The following AIFM2 variants were observed in gnomAD, a reference collection of about 807,000 sequenced individuals.
The protein encoded by AIFM2 is ferroptosis suppressor protein 1.
A neutral mutation model predicts 35.7 loss-of-function variants in AIFM2; 38 were observed. The observed-to-expected ratio is 1.06, with a 90% CI of 0.82 to 1.39. The LOEUF is 1.39. Ranked by LOEUF, AIFM2 falls within the 40% of genes most tolerant of loss-of-function variation. The pLI is 0.00. For synonymous variants in AIFM2, 185 were observed against 203.5 expected (o/e 0.91, Z 0.77); for missense variants, 476 against 491.2 (o/e 0.97, Z 0.29).
rs2072385911 is a variant in AIFM2, at chr10:70,112,499, A to AAGAC, written c.*1675_*1678dup. 1 of 152,212 alleles carries AAGAC rather than the reference A, an allele frequency of 6.6e-6. No individual in the cohort carries two copies. Among genetic ancestry groups the AAGAC allele is most frequent in the South Asian group, 2.1e-4 (1 of 4,832 alleles). 9.4% of individuals were successfully genotyped at this position (152,212 alleles called of 1,614,324 possible). A position where few individuals can be genotyped will look rare whatever the true frequency, so the allele number is the denominator to read the frequency against. Reference sequence around the variant, plus strand: ...GGCTTCCCTTCGTGGTCCATAAAGAAAGACAGATACTTGGATGCAACCACC... The same window carrying AAGAC: ...GGCTTCCCTTCGTGGTCCATAAAGAAAGACAGACAGATACTTGGATGCAACCACC... On this transcript the variant is annotated 3_prime_UTR_variant, in exon 9 of 9. Coordinates refer to ENST00000307864, the MANE Select transcript of AIFM2 (RefSeq NM_032797.6).
At chr10:70,116,998 GA>G (rs2072444745) in intron 6 of AIFM2, among the ~76,000 whole-genome samples, 1 of 152,208 alleles carries the variant, frequency 6.6e-6, no homozygotes, top group Non-Finnish European at 1.5e-5. Flanking sequence ...AAAGTTCCAA[GA>G]AGCCCCTGGA....
chr10:70,114,668 T>C lies in AIFM2; in HGVS notation c.970+252A>G, dbSNP rs2072415042. 12 of 527,328 alleles carry C rather than the reference T, an allele frequency of 2.3e-5. No homozygotes were observed. The East Asian group carries it at 4.3e-4, about 19-fold the overall frequency. 32.7% of individuals were successfully genotyped at this position (527,328 alleles called of 1,614,324 possible). On this transcript the variant is annotated intron_variant, in intron 8 of 8. Coordinates refer to ENST00000307864, the MANE Select transcript of AIFM2 (RefSeq NM_032797.6). ...TTTGTATTTTTAGTAGAGACGGGGT[T>C]TCTCCATGTTGGTCAGGCTGGTCTC...
In AIFM2 at chr10:70,116,785, GT is replaced by G; in HGVS notation, c.617-12del. On this transcript the variant is annotated splice_polypyrimidine_tract_variant and intron_variant, in intron 6 of 8. Transcript: ENST00000307864. ...TGCTCACCCGCTCACCTAGAAGGGG[GT>G]TCATGACCAGGAGGCTGGTGGGGAC... 1 of 1,613,116 alleles carries G rather than the reference GT, an allele frequency of 6.2e-7. No homozygotes were observed. The highest frequency in any genetic ancestry group is 1.1e-5 in the South Asian group (1 of 91,064).
Position 70,121,222 on chromosome 10 carries a change from C to CA in AIFM2, c.295-12_295-11insT. 1 of 177,136 alleles carries CA rather than the reference C, an allele frequency of 5.6e-6. No homozygotes were observed. The highest frequency in any genetic ancestry group is 7.0e-6 in the Non-Finnish European group (1 of 142,744). The allele number at this position is 177,136 out of a possible 1,614,324, so 11.0% of individuals were successfully genotyped here. ...AGAGAAGGGCAGGGCCTGAGAGAAA[C>CA]CAAAAAAAAAAAAAAAAAAAAAAAA... is the stretch of plus-strand genomic sequence containing the variant. On this transcript the variant is annotated splice_polypyrimidine_tract_variant and intron_variant, in intron 3 of 8. Coordinates refer to ENST00000307864, the MANE Select transcript of AIFM2 (RefSeq NM_032797.6).
chr10:70,123,763 C>A, intron 2 of AIFM2, 144 bp downstream of exon 2: 1 of 982,426 alleles, frequency 1.0e-6, no homozygotes. Context: ...GACCAAAGAC[C>A]TTGAGCTTCT....
chr10:70,115,640 G>A (rs953133567), intron 7 of AIFM2, among the ~76,000 whole-genome samples: 1 of 152,106 alleles, frequency 6.6e-6, no homozygotes, highest in Non-Finnish European at 1.5e-5. Flanking sequence ...GTGGCATACA[G>A]CCGTAATCCC....
At chr10:70,119,043 C>T (rs2072468662) in intron 5 of AIFM2, among the ~76,000 whole-genome samples, 1 of 152,112 alleles carries the variant, frequency 6.6e-6, no homozygotes, top group Admixed American at 6.6e-5. Context: ...GATGAAGCCT[C>T]CATAAAAATC....
At chr10:70,120,258 A>T (rs74139273) in intron 5 of AIFM2, among the ~76,000 whole-genome samples, 5 of 152,368 alleles carry the variant, frequency 3.3e-5, no homozygotes, top group African/African-American at 1.2e-4. Context: ...GTTGGAGCAG[A>T]GGGCAGGACC....
chr10:70,123,389 G>C lies in AIFM2; in HGVS notation c.294+16C>G. On this transcript the variant is annotated intron_variant, in intron 3 of 8. Coordinates refer to ENST00000307864, the MANE Select transcript of AIFM2 (RefSeq NM_032797.6). ...GGCCCTTGAGCCAGCTGGCAGCCGG[G>C]CTGGCCCTCACTCACCTCGCCACCC... The C allele has an allele frequency of 6.2e-7, 1 of 1,609,504 alleles. No homozygotes were observed. Among genetic ancestry groups the C allele is most frequent in the Middle Eastern group, 1.7e-4 (1 of 6,036 alleles).
In AIFM2 at chr10:70,117,167, A is replaced by G. The variant is rs1242356729; in HGVS notation, c.617-393T>C. On this transcript the variant is annotated intron_variant, in intron 6 of 8. Transcript: ENST00000307864. The surrounding 1 kb of genome is among the most constrained non-coding windows in gnomAD (Gnocchi z 4.7). ...GGGGAAAGCCAGAGAAAGAGAAGCC[A>G]GCTCGCTACACTCACTGCCTAAAGT... Among the ~76,000 whole-genome samples, 1 of 152,226 alleles carries G rather than the reference A, an allele frequency of 6.6e-6. No individual in the cohort carries two copies. Among genetic ancestry groups the G allele is most frequent in the Admixed American group, 6.5e-5 (1 of 15,284 alleles).
In AIFM2 at chr10:70,113,104, G is replaced by C. The variant is rs1178308852; in HGVS notation, c.*1074C>G. 2.0e-5 allele frequency: 3 copies of C among 152,236 alleles called. No individual in the cohort carries two copies. The highest frequency in any genetic ancestry group is 4.4e-5 in the Non-Finnish European group (3 of 68,058). The allele number at this position is 152,236 out of a possible 1,614,324, so 9.4% of individuals were successfully genotyped here. A position where few individuals can be genotyped will look rare whatever the true frequency, so the allele number is the denominator to read the frequency against. ...CTTAAACACCTCCAATGGCTGGCAGGCCAGGCTGCAGTCTCAACCCCTGCT... is the reference window on the plus strand; with the variant it reads ...CTTAAACACCTCCAATGGCTGGCAGCCCAGGCTGCAGTCTCAACCCCTGCT... On this transcript the variant is annotated 3_prime_UTR_variant, in exon 9 of 9. Transcript: ENST00000307864.
intron 5 of AIFM2, 84 bp from the exon 6 acceptor site, chr10:70,118,004 A>C: frequency 1.1e-6 from 1 of 938,830 alleles, no homozygotes; most frequent in Admixed American, 2.2e-5. Flanking sequence ...ACCTCCACTC[A>C]TACCTCCAGG....
chr10:70,118,184 C>T (rs2072460026), intron 5 of AIFM2: 1 of 394,390 alleles, frequency 2.5e-6, no homozygotes, highest in South Asian at 3.6e-5. Context: ...CAACCTACAC[C>T]TCACCTAGGG....
chr10:70,120,348 C>G (rs189803058), intron 5 of AIFM2, among the ~76,000 whole-genome samples, 159 bp downstream of exon 5: 102 of 152,314 alleles, frequency 6.7e-4, no homozygotes, highest in African/African-American at 2.4e-3. Context: ...GAAAAATCCC[C>G]TATAGAATCA....
At position 70,113,222 on chromosome 10, in the gene AIFM2, T is replaced by G. The variant is rs1056442860; in HGVS notation, c.*956A>C. 6.6e-6 allele frequency: 1 copy of G among 151,928 alleles called. No individual in the cohort carries two copies. The highest frequency in any genetic ancestry group is 1.5e-5 in the Non-Finnish European group (1 of 68,000). The allele number at this position is 151,928 out of a possible 1,614,324, so 9.4% of individuals were successfully genotyped here. ...CTTAAATGAAACCTGTGGTATGGAG[T>G]AGGATCTAAAAGTGGAAATGTGCTG... On this transcript the variant is annotated 3_prime_UTR_variant, in exon 9 of 9. Transcript: ENST00000307864.
chr10:70,120,605 G>C lies in AIFM2; in HGVS notation c.415-6C>G. ...ATGAACCGTGAGCGCTGGACCTGGAGAAGAGGACATGTGAAACAGGGACAT... is the reference window on the plus strand; with the variant it reads ...ATGAACCGTGAGCGCTGGACCTGGACAAGAGGACATGTGAAACAGGGACAT... On this transcript the variant is annotated splice_region_variant and splice_polypyrimidine_tract_variant and intron_variant, in intron 4 of 8. Transcript: ENST00000307864. The C allele has an allele frequency of 6.2e-7, 1 of 1,614,026 alleles. No individual in the cohort carries two copies. Among genetic ancestry groups the C allele is most frequent in the Non-Finnish European group, 8.5e-7 (1 of 1,179,978 alleles).
chr10:70,127,656 G>A (rs2072583542), intron 1 of AIFM2, among the ~76,000 whole-genome samples: 1 of 152,154 alleles, frequency 6.6e-6, no homozygotes, highest in African/African-American at 2.4e-5. Context: ...GGACCTCAGG[G>A]GCAATGAGTT....
In AIFM2 at chr10:70,117,786, A is replaced by G. The variant is rs1476969840; in HGVS notation, c.616+26T>C. The G allele has an allele frequency of 6.4e-7, 1 of 1,573,596 alleles. No individual in the cohort carries two copies. Among genetic ancestry groups the G allele is most frequent in the African/African-American group, 1.4e-5 (1 of 73,114 alleles). ...ACATCTCACCAGGCCAGGGCAGGGCAGGGAGGGAGGTGAGGGTGCACGTAC... is the reference window on the plus strand; with the variant it reads ...ACATCTCACCAGGCCAGGGCAGGGCGGGGAGGGAGGTGAGGGTGCACGTAC... On this transcript the variant is annotated intron_variant, in intron 6 of 8. Transcript: ENST00000307864. This position sits in a 1 kb window ranked among gnomAD's most constrained non-coding sequence, Gnocchi z 4.7.
Position 70,121,560 on chromosome 10 carries a change from C to G in AIFM2, c.295-349G>C, listed in dbSNP as rs562028682. ...AGGACACTGCCCACGGGAGTTAGCT[C>G]AGAACCTCCCGGGTGTTTTAGAAGA... On this transcript the variant is annotated intron_variant, in intron 3 of 8. Transcript: ENST00000307864. Among the ~76,000 whole-genome samples, 15 of 152,202 alleles carry G rather than the reference C, an allele frequency of 9.9e-5. No homozygotes were observed. The East Asian group carries it at 2.7e-3, about 27-fold the overall frequency.
Sources: allele counts gnomAD v4.1 joint callset (sites outside exome capture counted in the v4.1 genomes callset), GRCh38; gene constraint gnomAD v4.1.1; non-coding constraint Gnocchi (gnomAD v3.1); transcripts MANE v1.5; gene names NCBI Gene and HGNC (gene_info 2026-07-23, HGNC 2026-07-21).